The following COL4A4 variants were observed in gnomAD, a reference collection of about 807,000 sequenced individuals.
The protein encoded by COL4A4 is collagen alpha-4(IV) chain.
A neutral mutation model predicts 192.9 loss-of-function variants in COL4A4; 105 were observed. The ratio of observed to expected loss-of-function variants is 0.54; its 90% confidence interval spans 0.46 to 0.64. The LOEUF (loss-of-function observed/expected upper bound fraction) is 0.64. Ranked by LOEUF, COL4A4 falls within the 30% of genes least tolerant of loss-of-function variation. COL4A4 has a pLI of 0.00. For missense variants in COL4A4, 1,967 were observed against 2,169.3 expected, an observed-to-expected ratio of 0.91 and a Z score of 1.85; for synonymous variants, 762 against 769.9, an observed-to-expected ratio of 0.99 and a Z score of 0.17.
At chr2:227,080,374 G>T in intron 24 of COL4A4, 69 bp downstream of exon 24, 2 of 1,364,684 alleles carry the variant, frequency 1.5e-6, no homozygotes, top group Non-Finnish European at 1.0e-6. Flanking sequence ...AATAGAGAAA[G>T]GGGAAATAGT....
At chr2:227,159,187 C>T (rs770360823) in intron 1 of COL4A4, among the ~76,000 whole-genome samples, 4 of 152,182 alleles carry the variant, frequency 2.6e-5, no homozygotes, top group Non-Finnish European at 2.9e-5. Context: ...TATTGCTATG[C>T]AGAGTCAGAG....
intron 30 of COL4A4, among the ~76,000 whole-genome samples, chr2:227,055,645 G>A (rs1311462621): frequency 1.3e-5 from 2 of 152,118 alleles, no homozygotes; most frequent in South Asian, 2.1e-4. Flanking sequence ...ATGAGAGTGG[G>A]GACCCCCTCC....
At chr2:227,147,034 G>A (rs919224630) in intron 2 of COL4A4, among the ~76,000 whole-genome samples, 3 of 152,156 alleles carry the variant, frequency 2.0e-5, no homozygotes, top group Non-Finnish European at 2.9e-5. Flanking sequence ...AGATTAAGAC[G>A]TGGACATCTG....
rs940369966 is a variant in COL4A4, at chr2:227,103,022, T to C, written c.870+122A>G. 1.0e-5 allele frequency: 11 copies of C among 1,070,192 alleles called. No homozygotes were observed. The African/African-American group carries it at 1.8e-4, about 17-fold the overall frequency. 66.3% of individuals were successfully genotyped at this position (1,070,192 alleles called of 1,614,324 possible). A position where few individuals can be genotyped will look rare whatever the true frequency, so the allele number is the denominator to read the frequency against. On this transcript the variant is annotated intron_variant, in intron 14 of 47. Coordinates refer to ENST00000396625, the MANE Select transcript of COL4A4 (RefSeq NM_000092.5). The stretch of plus-strand genomic sequence containing the variant: ...GCTCTATAGTATTATGATAAGATAG[T>C]GAAAAATTCTGGTAATATATATTAG...
chr2:227,041,805 GAAGA>G (rs202002799), intron 37 of COL4A4, among the ~76,000 whole-genome samples: 478 of 39,326 alleles, frequency 0.012, 31 homozygotes, highest in Middle Eastern at 0.026. Context: ...AGAAAGAAAG[GAAGA>G]AAGAAAGAAA....
chr2:227,084,441 A>G (rs1347036989), intron 22 of COL4A4, among the ~76,000 whole-genome samples: 2 of 152,210 alleles, frequency 1.3e-5, no homozygotes, highest in African/African-American at 4.8e-5. Flanking sequence ...CTTCAAATGT[A>G]TGACGAATTG....
chr2:227,069,824 C>G (rs1233700517), intron 25 of COL4A4, among the ~76,000 whole-genome samples: 6 of 151,314 alleles, frequency 4.0e-5, no homozygotes, highest in African/African-American at 1.5e-4. Flanking sequence ...GACTTCATGT[C>G]TAAAACACCA....
At chr2:227,040,045 T>C (rs1970468976) in intron 37 of COL4A4, among the ~76,000 whole-genome samples, 1 of 152,204 alleles carries the variant, frequency 6.6e-6, no homozygotes, top group Non-Finnish European at 1.5e-5. Flanking sequence ...CCTACCACAC[T>C]ACCACTTCTG....
At position 227,112,560 on chromosome 2, in the gene COL4A4, C is replaced by A. The variant is rs370742828; in HGVS notation, c.559-847G>T. 5.3e-5 allele frequency among the ~76,000 whole-genome samples: 8 copies of A among 152,302 alleles called. No homozygotes were observed. In the East Asian group the frequency reaches 7.7e-4, roughly 15 times the overall value. On this transcript the variant is annotated intron_variant, in intron 8 of 47. Coordinates refer to ENST00000396625, the MANE Select transcript of COL4A4 (RefSeq NM_000092.5). ...CTGGGATTACAGGCGTGAGCCACCA[C>A]GCCTGGCCCATTTCAACCATTTTTA...
the COL4A4 span, among the ~76,000 whole-genome samples, chr2:226,976,943 T>A: frequency 6.6e-6 from 1 of 152,206 alleles, no homozygotes; most frequent in South Asian, 2.1e-4. Flanking sequence ...TATCTATTTC[T>A]TAGAGGCCCC....
At chr2:227,033,195 A>C (rs542473874) in intron 38 of COL4A4, among the ~76,000 whole-genome samples, 62 of 152,346 alleles carry the variant, frequency 4.1e-4, no homozygotes, top group African/African-American at 1.5e-3. Flanking sequence ...CTGTTAACCA[A>C]CCATTCCTTC....
At chr2:227,067,022 A>T (rs978004671) in intron 25 of COL4A4, among the ~76,000 whole-genome samples, 1 of 150,742 alleles carries the variant, frequency 6.6e-6, no homozygotes, top group African/African-American at 2.5e-5. Context: ...ATGGAGGAAG[A>T]TCTACCAAGC....
chr2:227,084,919 G>A (rs2150554218), intron 22 of COL4A4, among the ~76,000 whole-genome samples: 1 of 152,168 alleles, frequency 6.6e-6, no homozygotes, highest in Middle Eastern at 3.4e-3. Context: ...ATCACCTGAG[G>A]TCAGGAGTTC....
intron 34 of COL4A4, among the ~76,000 whole-genome samples, 182 bp from the exon 35 acceptor site, chr2:227,047,731 C>CCA (rs71036155): frequency 0.15 from 21,339 of 146,220 alleles, 1,686 homozygotes; most frequent in African/African-American, 0.21. Flanking sequence ...AATTTACATA[C>CCA]CACACACACA....
intron 1 of COL4A4, among the ~76,000 whole-genome samples, chr2:227,163,588 G>A (rs903191607): frequency 2.0e-5 from 3 of 152,248 alleles, no homozygotes; most frequent in African/African-American, 7.2e-5. Context: ...GGAGGACCGT[G>A]CCCTGGCACA....
chr2:227,010,401 G>A lies in COL4A4; in HGVS notation c.4434C>T (p.Pro1478=), dbSNP rs1343679990. 2 of 1,614,208 alleles carry A rather than the reference G, an allele frequency of 1.2e-6. No individual in the cohort carries two copies. The highest frequency in any genetic ancestry group is 1.1e-5 in the South Asian group (1 of 91,076). The part of the protein sequence containing the change: ...LVLHSQTDQE[P]TCPLGMPRLW... Reference sequence around the variant, plus strand: ...GCCTGGGCATGCCCAGGGGGCAGGTGGGCTCCTGGTCCGTCTGACTGTGGA... The same window carrying A: ...GCCTGGGCATGCCCAGGGGGCAGGTAGGCTCCTGGTCCGTCTGACTGTGGA... The change falls in exon 46 of 48, where the codon CCC becomes CCT. Residue 1478 remains proline (P), a synonymous_variant. Coordinates refer to ENST00000396625, the MANE Select transcript of COL4A4 (RefSeq NM_000092.5).
intron 25 of COL4A4, among the ~76,000 whole-genome samples, chr2:227,071,906 A>T (rs2058745013): frequency 6.6e-6 from 1 of 152,114 alleles, no homozygotes; most frequent in Non-Finnish European, 1.5e-5. Flanking sequence ...AGCAGTGCTA[A>T]GAGGAAAGCT....
the COL4A4 span, among the ~76,000 whole-genome samples, chr2:226,974,366 T>C: frequency 6.6e-6 from 1 of 151,840 alleles, no homozygotes; most frequent in African/African-American, 2.4e-5. Flanking sequence ...GCCTCCTGAG[T>C]AGCTGGAATT....
intron 37 of COL4A4, among the ~76,000 whole-genome samples, chr2:227,041,852 A>AGAGAGAG (rs1971334980): frequency 4.8e-4 from 34 of 71,376 alleles, no homozygotes; most frequent in Non-Finnish European, 6.8e-4. Flanking sequence ...AAGAAAGAGA[A>AGAGAGAG]AGAAAGAAAG....
Sources: allele counts gnomAD v4.1 joint callset (sites outside exome capture counted in the v4.1 genomes callset), GRCh38; gene constraint gnomAD v4.1.1; transcripts MANE v1.5; gene names NCBI Gene and HGNC (gene_info 2026-07-23, HGNC 2026-07-21).